Variants in LRBA observed in about 807,000 individuals in gnomAD.
The protein encoded by LRBA is lipopolysaccharide-responsive and beige-like anchor protein.
Under a neutral mutation model 330.0 loss-of-function variants are expected in LRBA, and 176 were observed. That is an observed-to-expected ratio of 0.53 (90% CI 0.47 to 0.60). The LOEUF (loss-of-function observed/expected upper bound fraction) is 0.60, where lower values mean the gene tolerates loss of function less well. Ranked by LOEUF, LRBA falls within the 20% of genes least tolerant of loss-of-function variation. LRBA has a pLI of 0.00. For synonymous variants in LRBA, 1,230 were observed against 1,193.0 expected (o/e 1.03, Z -0.64); for missense variants, 3,259 against 3,444.8 (o/e 0.95, Z 1.35).
intron 36 of LRBA, among the ~76,000 whole-genome samples, chr4:150,687,691 G>A (rs535920879): frequency 2.6e-5 from 4 of 152,162 alleles, no homozygotes; most frequent in South Asian, 2.1e-4. Context: ...TAGACAAAGC[G>A]ACCATTTTAG....
chr4:150,639,948 C>G (rs1460652434), intron 37 of LRBA, among the ~76,000 whole-genome samples: 2 of 144,878 alleles, frequency 1.4e-5, no homozygotes. Context: ...CCTCCCCCTC[C>G]CGGGTTCAAG....
chr4:150,953,211 G>T (rs1240737476), intron 2 of LRBA, among the ~76,000 whole-genome samples: 2 of 152,172 alleles, frequency 1.3e-5, no homozygotes, highest in Non-Finnish European at 2.9e-5. Flanking sequence ...CTCAGCAGAA[G>T]ATCAACATGA....
chr4:150,677,239 AGAAATAGAACTTACTGT>A (rs1782637123), intron 37 of LRBA, among the ~76,000 whole-genome samples: 1 of 152,136 alleles, frequency 6.6e-6, no homozygotes, highest in African/African-American at 2.4e-5. Context: ...CACAAAACAA[AGAAATAGAACTTACTGT>A]CAAGTACTAA....
intron 2 of LRBA, among the ~76,000 whole-genome samples, chr4:151,010,227 G>C (rs1417616733): frequency 6.6e-6 from 1 of 151,930 alleles, no homozygotes; most frequent in Non-Finnish European, 1.5e-5. Context: ...CCAGCTCATG[G>C]GAATCACTAT....
intron 37 of LRBA, among the ~76,000 whole-genome samples, chr4:150,617,614 C>G (rs1775891913): frequency 6.6e-6 from 1 of 152,132 alleles, no homozygotes; most frequent in Non-Finnish European, 1.5e-5. Context: ...TGTACTCCAG[C>G]CTGGGCAACA....
At chr4:150,471,500 T>G in intron 43 of LRBA, 124 bp downstream of exon 43, 1 of 597,608 alleles carries the variant, frequency 1.7e-6, no homozygotes, top group Non-Finnish European at 2.9e-6. Context: ...TGTATATCCT[T>G]TGTAGTATTC....
chr4:150,916,913 G>A (rs994810994), intron 5 of LRBA, among the ~76,000 whole-genome samples, 175 bp from the exon 6 acceptor site: 3 of 152,138 alleles, frequency 2.0e-5, no homozygotes, highest in Non-Finnish European at 2.9e-5. Context: ...CAGCACTTTG[G>A]GAGGCCGAGG....
chr4:150,906,140 A>T (rs748318439), intron 12 of LRBA, 150 bp from the exon 13 acceptor site: 16 of 815,850 alleles, frequency 2.0e-5, no homozygotes, highest in Non-Finnish European at 3.2e-5. Flanking sequence ...TTGATAGAGG[A>T]ATGGAGGCAA....
chr4:150,723,062 G>C (rs1203929887), intron 36 of LRBA, among the ~76,000 whole-genome samples: 1 of 152,076 alleles, frequency 6.6e-6, no homozygotes, highest in Admixed American at 6.6e-5. Flanking sequence ...GAGTTTCTTG[G>C]CAAGCCTCGC....
At chr4:150,724,385 G>C (rs1729375802) in intron 36 of LRBA, among the ~76,000 whole-genome samples, 1 of 152,162 alleles carries the variant, frequency 6.6e-6, no homozygotes, top group Non-Finnish European at 1.5e-5. Context: ...CTACGAGTCA[G>C]CAAAAAACAC....
At chr4:150,870,400 T>C (rs1327681186) in intron 20 of LRBA, 125 bp downstream of exon 20, 2 of 671,294 alleles carry the variant, frequency 3.0e-6, no homozygotes, top group Non-Finnish European at 5.4e-6. Context: ...TAGTATAATA[T>C]CATCACCCTT....
At chr4:150,934,146 A>G (rs1166027465) in intron 2 of LRBA, among the ~76,000 whole-genome samples, 1 of 152,228 alleles carries the variant, frequency 6.6e-6, no homozygotes, top group Non-Finnish European at 1.5e-5. Flanking sequence ...TATTTCTAAC[A>G]AATTACTCAC....
At chr4:150,823,935 G>A (rs1362995355) in intron 30 of LRBA, among the ~76,000 whole-genome samples, 1 of 152,050 alleles carries the variant, frequency 6.6e-6, no homozygotes, top group African/African-American at 2.4e-5. Flanking sequence ...GTTCCATATA[G>A]TTTCTAGGAA....
intron 41 of LRBA, among the ~76,000 whole-genome samples, chr4:150,489,263 A>AATGTATAATATATTATATATAC (rs1561250364): frequency 1.4e-5 from 1 of 71,644 alleles, no homozygotes; most frequent in African/African-American, 6.1e-5. Flanking sequence ...ATTATATATA[A>AATGTATAATATATTATATATAC]GAATATATAA....
Position 150,522,345 on chromosome 4 carries a change from T to C in LRBA, c.6331-31310A>G, listed in dbSNP as rs577000599. ...CTAAAAGAGAAATTGTTGTCAAGAG[T>C]AGAATATTGCTACAACATATATCTA... On this transcript the variant is annotated intron_variant, in intron 40 of 56. Coordinates refer to ENST00000651943, the MANE Select transcript of LRBA (RefSeq NM_001364905.1). Among the ~76,000 whole-genome samples, 6 of 152,278 alleles carry C rather than the reference T, an allele frequency of 3.9e-5. No individual in the cohort carries two copies. The East Asian group carries it at 1.2e-3, about 29-fold the overall frequency.
At chr4:150,904,783 A>G (rs1381972604) in intron 13 of LRBA, among the ~76,000 whole-genome samples, 1 of 152,188 alleles carries the variant, frequency 6.6e-6, no homozygotes, top group Non-Finnish European at 1.5e-5. Flanking sequence ...CCAAATGGCA[A>G]TCAGAGTCAG....
intron 56 of LRBA, among the ~76,000 whole-genome samples, chr4:150,272,049 C>T (rs1824406): frequency 0.26 from 39,471 of 152,050 alleles, 5,336 homozygotes; most frequent in Non-Finnish European, 0.3. Flanking sequence ...TCCTCAACCC[C>T]TGTGTCTCCT....
At chr4:150,869,846 G>T (rs1753216148) in intron 20 of LRBA, among the ~76,000 whole-genome samples, 1 of 152,084 alleles carries the variant, frequency 6.6e-6, no homozygotes. Flanking sequence ...CTTGAGCCCA[G>T]GAGTTTTAGA....
intron 37 of LRBA, among the ~76,000 whole-genome samples, chr4:150,641,140 A>G (rs924647855): frequency 1.3e-5 from 2 of 152,102 alleles, no homozygotes; most frequent in Non-Finnish European, 2.9e-5. Context: ...TCTATGTCCT[A>G]TTTCACAGAG....
Sources: gnomAD v4.1 joint callset for allele counts (sites outside exome capture counted in the v4.1 genomes callset) on GRCh38, gnomAD v4.1.1 for gene constraint, MANE v1.5 for transcripts, NCBI Gene and HGNC (gene_info 2026-07-23, HGNC 2026-07-21) for gene names.